The following CADPS2 variants were observed in gnomAD, a reference collection of about 807,000 sequenced individuals.
The protein encoded by CADPS2 is calcium-dependent secretion activator 2.
In CADPS2, 93 loss-of-function variants were observed where a neutral mutation model predicts 172.5. The observed-to-expected ratio is 0.54, with a 90% CI of 0.46 to 0.64. The LOEUF (loss-of-function observed/expected upper bound fraction) is 0.64, where lower values mean the gene tolerates loss of function less well. Among genes scored for constraint, CADPS2 ranks in the 30% least tolerant of loss-of-function variants. CADPS2 has a pLI of 0.00. For synonymous variants in CADPS2, 546 were observed against 555.2 expected (o/e 0.98, Z 0.23); for missense variants, 1,420 against 1,565.9 (o/e 0.91, Z 1.57).
At chr7:122,360,869 C>A in intron 26 of CADPS2, 49 bp from the exon 27 acceptor site, 1 of 1,588,878 alleles carries the variant, frequency 6.3e-7, no homozygotes, top group Non-Finnish European at 8.6e-7. Flanking sequence ...TTTTTAACTG[C>A]CATATAAGTA....
chr7:122,666,218 A>G (rs2081177874), intron 2 of CADPS2, among the ~76,000 whole-genome samples: 1 of 152,202 alleles, frequency 6.6e-6, no homozygotes. Context: ...TAATTTCTGC[A>G]AAAGTTGTAT....
At chr7:122,745,439 G>A (rs549059915) in intron 1 of CADPS2, among the ~76,000 whole-genome samples, 1 of 151,736 alleles carries the variant, frequency 6.6e-6, no homozygotes, top group African/African-American at 2.4e-5. Flanking sequence ...TATTCTTTCC[G>A]ATTACCATAT....
chr7:122,676,091 A>AG (rs1270731283), intron 2 of CADPS2, among the ~76,000 whole-genome samples: 1 of 152,216 alleles, frequency 6.6e-6, no homozygotes, highest in Admixed American at 6.5e-5. Flanking sequence ...ACTTAAGGTA[A>AG]GGGGGTGGGG....
At chr7:122,513,548 C>T (rs1041419629) in intron 8 of CADPS2, among the ~76,000 whole-genome samples, 1 of 152,140 alleles carries the variant, frequency 6.6e-6, no homozygotes, top group Admixed American at 6.6e-5. Flanking sequence ...CAGTCCTTAC[C>T]ACAAATTGAG....
At chr7:122,696,142 A>C (rs529930668) in intron 2 of CADPS2, among the ~76,000 whole-genome samples, 14 of 152,174 alleles carry the variant, frequency 9.2e-5, no homozygotes, top group Non-Finnish European at 4.4e-5. Flanking sequence ...AACAGTGGCC[A>C]AAGAATGACA....
rs868798714 is a variant in CADPS2 at position 122,532,148 on chromosome 7, A to G, written c.1476-18833T>C. Among the ~76,000 whole-genome samples the G allele has an allele frequency of 7.2e-5, 11 of 152,312 alleles. No individual in the cohort carries two copies. The South Asian group carries it at 1.7e-3, about 23-fold the overall frequency. On this transcript the variant is annotated intron_variant, in intron 8 of 29. Coordinates refer to ENST00000449022, the MANE Select transcript of CADPS2 (RefSeq NM_017954.11). ...AAGTTAGATTTGGGAAATTCTATCA[A>G]TTGGCTGATTTTTCTACATAATACA... is the stretch of plus-strand genomic sequence containing the variant.
chr7:122,329,623 A>G (rs1280724067), intron 28 of CADPS2, among the ~76,000 whole-genome samples: 1 of 152,240 alleles, frequency 6.6e-6, no homozygotes, highest in Non-Finnish European at 1.5e-5. Context: ...TTAAATATGC[A>G]CAACTCTCCT....
intron 12 of CADPS2, chr7:122,479,991 A>G (rs1232736909): frequency 1.5e-5 from 6 of 397,504 alleles, no homozygotes; most frequent in South Asian, 8.0e-5. Context: ...TGTTACATAT[A>G]TAACTGAGAG....
intron 28 of CADPS2, among the ~76,000 whole-genome samples, chr7:122,337,835 T>A (rs62473068): frequency 0.15 from 22,837 of 150,612 alleles, 1,752 homozygotes; most frequent in African/African-American, 0.16. Context: ...GAAACAGGCT[T>A]GACTATGACT....
chr7:122,777,166 T>C (rs2093909876), intron 1 of CADPS2, among the ~76,000 whole-genome samples: 1 of 151,950 alleles, frequency 6.6e-6, no homozygotes, highest in Non-Finnish European at 1.5e-5. Context: ...ATAATAATAA[T>C]TAAGTAAAAG....
intron 25 of CADPS2, among the ~76,000 whole-genome samples, chr7:122,376,708 G>A (rs2042402710): frequency 6.6e-6 from 1 of 152,102 alleles, no homozygotes; most frequent in Admixed American, 6.6e-5. Flanking sequence ...TTATGTGACT[G>A]TTATCACACA....
intron 1 of CADPS2, among the ~76,000 whole-genome samples, chr7:122,784,538 C>A (rs1404508500): frequency 6.6e-6 from 1 of 152,156 alleles, no homozygotes; most frequent in Non-Finnish European, 1.5e-5. Flanking sequence ...GATTACATAT[C>A]TCTCAAGTCC....
chr7:122,814,092 G>C (rs1353150308), intron 1 of CADPS2, among the ~76,000 whole-genome samples: 2 of 151,746 alleles, frequency 1.3e-5, no homozygotes, highest in African/African-American at 4.8e-5. Flanking sequence ...GGCCCAGATA[G>C]CATACCTGGG....
In CADPS2 at chr7:122,613,580, C is replaced by T. The variant is rs567344597; in HGVS notation, c.1223+1601G>A. ...ATGACTGTATATAATTCTATTTATA[C>T]GAAATGTCCAGAATAGATAAATCTA... On this transcript the variant is annotated intron_variant, in intron 6 of 29. Transcript: ENST00000449022. 7.9e-5 allele frequency among the ~76,000 whole-genome samples: 12 copies of T among 151,844 alleles called. 1 individual carries two copies. The highest frequency in any genetic ancestry group is 2.4e-4 in the African/African-American group (10 of 41,396).
At chr7:122,604,007 C>T (rs1398959581) in intron 6 of CADPS2, among the ~76,000 whole-genome samples, 1 of 152,050 alleles carries the variant, frequency 6.6e-6, no homozygotes, top group African/African-American at 2.4e-5. Flanking sequence ...TTGTAATAAT[C>T]ATTATACAAT....
intron 1 of CADPS2, among the ~76,000 whole-genome samples, chr7:122,755,694 CCAAA>C (rs898410258): frequency 6.6e-6 from 1 of 151,162 alleles, no homozygotes; most frequent in Non-Finnish European, 1.5e-5. Context: ...AGAGAAAAAC[CCAAA>C]CAAACTACTG....
intron 8 of CADPS2, among the ~76,000 whole-genome samples, chr7:122,521,202 G>A (rs1301975454): frequency 1.3e-5 from 2 of 152,074 alleles, no homozygotes; most frequent in East Asian, 1.9e-4. Flanking sequence ...GATAGAGTTC[G>A]GTTAACATGT....
chr7:122,849,515 T>C (rs779904779), intron 1 of CADPS2, among the ~76,000 whole-genome samples: 24 of 152,214 alleles, frequency 1.6e-4, no homozygotes, highest in Non-Finnish European at 3.4e-4. Flanking sequence ...TCTCAGTCTC[T>C]GCGGTCCCCA....
chr7:122,718,863 G>A (rs1253783478), intron 2 of CADPS2, among the ~76,000 whole-genome samples: 1 of 152,118 alleles, frequency 6.6e-6, no homozygotes, highest in Non-Finnish European at 1.5e-5. Flanking sequence ...GAAAGAATGT[G>A]CCCAACAATC....
Sources: gnomAD v4.1 joint callset for allele counts (sites outside exome capture counted in the v4.1 genomes callset) on GRCh38, gnomAD v4.1.1 for gene constraint, MANE v1.5 for transcripts, NCBI Gene and HGNC (gene_info 2026-07-23, HGNC 2026-07-21) for gene names.